Variants in NANOG observed in about 807,000 individuals in gnomAD.
NANOG encodes the protein homeobox protein NANOG.
A neutral mutation model predicts 17.7 loss-of-function variants in NANOG; 2 were observed. That is an observed-to-expected ratio of 0.11 (90% confidence interval 0.05 to 0.36). The LOEUF (loss-of-function observed/expected upper bound fraction) is 0.36. NANOG is among the 10% of genes least tolerant of loss of function. The pLI, the probability that NANOG is intolerant of heterozygous loss-of-function variation, is 1.00. For missense variants in NANOG, 174 were observed against 362.1 expected (o/e 0.48, Z 4.22); for synonymous variants, 81 against 124.7 (o/e 0.65, Z 2.33).
At chr12:7,791,139 C>T (rs1371429538) in intron 1 of NANOG, among the ~76,000 whole-genome samples, 9 of 149,114 alleles carry the variant, frequency 6.0e-5, no homozygotes, top group African/African-American at 2.2e-4. Flanking sequence ...GACAGGGTCT[C>T]ATTCTGTTGC....
At chr12:7,793,245 C>G in intron 2 of NANOG, 33 bp downstream of exon 2, 2 of 1,608,612 alleles carry the variant, frequency 1.2e-6, no homozygotes, top group Non-Finnish European at 1.7e-6. Context: ...ATAAGGTGAA[C>G]AAAAATTGGA....
intron 1 of NANOG, among the ~76,000 whole-genome samples, chr12:7,790,996 C>T (rs190098091): frequency 6.6e-6 from 1 of 152,128 alleles, no homozygotes. Context: ...CCTCCACCCT[C>T]AGCTTCCCAA....
intron 1 of NANOG, among the ~76,000 whole-genome samples, chr12:7,790,714 C>G (rs1862827843): frequency 6.6e-6 from 1 of 151,848 alleles, no homozygotes; most frequent in Admixed American, 6.6e-5. Context: ...AACATGATTG[C>G]TATATTTGAG....
intron 1 of NANOG, among the ~76,000 whole-genome samples, chr12:7,790,822 C>CG (rs1862830183): frequency 6.6e-6 from 1 of 152,062 alleles, no homozygotes; most frequent in South Asian, 2.1e-4. Context: ...CATGGATCAC[C>CG]GCAGCCTCAA....
intron 1 of NANOG, among the ~76,000 whole-genome samples, chr12:7,792,411 A>G (rs1220867910): frequency 5.9e-5 from 9 of 152,242 alleles, no homozygotes; most frequent in Admixed American, 5.9e-4. Flanking sequence ...TCACACCTGT[A>G]ATCTCAGTAC....
chr12:7,790,964 T>C (rs1862832628), intron 1 of NANOG, among the ~76,000 whole-genome samples: 1 of 152,094 alleles, frequency 6.6e-6, no homozygotes, highest in Non-Finnish European at 1.5e-5. Context: ...GGGCTGGTCT[T>C]GAACTCCTGA....
chr12:7,793,646 G>C (rs547732132), intron 2 of NANOG, among the ~76,000 whole-genome samples: 1 of 151,764 alleles, frequency 6.6e-6, no homozygotes, highest in South Asian at 2.1e-4. Context: ...TTTATTACTT[G>C]TTGGCCATTT....
intron 1 of NANOG, among the ~76,000 whole-genome samples, chr12:7,791,040 A>G (rs1012990114): frequency 6.6e-6 from 1 of 151,866 alleles, no homozygotes; most frequent in Non-Finnish European, 1.5e-5. Context: ...CCCACTCTGC[A>G]TGGCTATTCA....
rs1178254606 is a variant in NANOG, at chr12:7,796,393, T to G, written c.*1298T>G. ...AGTTTTAGAAAAAAGGGCACTTACG[T>G]GCATTGTACATGTGCATCTACAAAT... On this transcript the variant is annotated 3_prime_UTR_variant, in exon 4 of 4. Transcript: ENST00000229307. 2 of 76,010 alleles carry G rather than the reference T, an allele frequency of 2.6e-5. No individual in the cohort carries two copies. The highest frequency in any genetic ancestry group is 8.4e-5 in the Non-Finnish European group (2 of 23,726). The allele number at this position is 76,010 out of a possible 1,614,324, so 4.7% of individuals were successfully genotyped here.
rs1435537661 is a variant in NANOG at position 7,796,830 on chromosome 12, T to A, written c.*1735T>A. On this transcript the variant is annotated 3_prime_UTR_variant, in exon 4 of 4. Transcript: ENST00000229307. ...CCCAGGCTGGAGTGTAGTGGAGCGA[T>A]CTCGGCTCACCGCAACCTCCGCCTC... The A allele has an allele frequency of 2.0e-5, 3 of 152,132 alleles. No homozygotes were observed. Among genetic ancestry groups the A allele is most frequent in the Non-Finnish European group, 4.4e-5 (3 of 68,090 alleles). 9.4% of individuals were successfully genotyped at this position (152,132 alleles called of 1,614,324 possible).
At position 7,792,941 on chromosome 12, in the gene NANOG, TC is replaced by T. The variant is rs760378591; in HGVS notation, c.152-6del. 27 of 1,592,586 alleles carry T rather than the reference TC, an allele frequency of 1.7e-5. No individual in the cohort carries two copies. Among genetic ancestry groups the T allele is most frequent in the Non-Finnish European group, 2.3e-5 (27 of 1,170,782 alleles). On this transcript the variant is annotated splice_polypyrimidine_tract_variant and splice_region_variant and intron_variant, in intron 1 of 3. Transcript: ENST00000229307. ...TAGACAAAAGTGTCCTTTTATTTGTTCCCAACAGTCTCTCCTCTTCCTTCCT... is the reference window on the plus strand; with the variant it reads ...TAGACAAAAGTGTCCTTTTATTTGTTCCAACAGTCTCTCCTCTTCCTTCCT...
rs10845901 is a variant in NANOG, at chr12:7,798,188, C to T, written c.*3093C>T. 67,149 of 151,960 alleles carry T rather than the reference C, an allele frequency of 0.44. 15,572 individuals carry two copies. The highest frequency in any genetic ancestry group is 0.63 in the South Asian group (3,049 of 4,816). The allele number at this position is 151,960 out of a possible 1,614,324, so 9.4% of individuals were successfully genotyped here. A position where few individuals can be genotyped will look rare whatever the true frequency, so the allele number is the denominator to read the frequency against. ...GGTCAGGAGTTCAAGTTTAGCATGG[C>T]CAATATGGCGAAACCCTGTCTCTAC... On this transcript the variant is annotated 3_prime_UTR_variant, in exon 4 of 4. Transcript: ENST00000229307.
At chr12:7,793,465 G>T (rs923346710) in intron 2 of NANOG, among the ~76,000 whole-genome samples, 1 of 152,012 alleles carries the variant, frequency 6.6e-6, no homozygotes, top group African/African-American at 2.4e-5. Flanking sequence ...TCTTTCCAAC[G>T]TTTCCTTAAT....
rs775080015 is a variant in NANOG, at chr12:7,796,251, C to T, written c.*1156C>T. On this transcript the variant is annotated 3_prime_UTR_variant, in exon 4 of 4. Coordinates refer to ENST00000229307, the MANE Select transcript of NANOG (RefSeq NM_024865.4). ...AGTGAGCCAATATCACACCACTGCA[C>T]TCCAGCTTGGGCGACAAGAGCAAAA... 3 of 152,028 alleles carry T rather than the reference C, an allele frequency of 2.0e-5. No homozygotes were observed. In the South Asian group the frequency reaches 6.2e-4, roughly 32 times the overall value. The allele number at this position is 152,028 out of a possible 1,614,324, so 9.4% of individuals were successfully genotyped here.
chr12:7,792,848 G>T (rs1457545454), intron 1 of NANOG, 102 bp from the exon 2 acceptor site: 161 of 1,228,766 alleles, frequency 1.3e-4, no homozygotes, highest in Non-Finnish European at 3.0e-5. Flanking sequence ...TAGATCTGGG[G>T]TTCTGGGAAT....
rs1592119405 is a variant in NANOG at position 7,796,604 on chromosome 12, C to T, written c.*1509C>T. The T allele has an allele frequency of 6.6e-6, 1 of 152,320 alleles. No homozygotes were observed. Among genetic ancestry groups the T allele is most frequent in the East Asian group, 1.9e-4 (1 of 5,188 alleles). 9.4% of individuals were successfully genotyped at this position (152,320 alleles called of 1,614,324 possible). On this transcript the variant is annotated 3_prime_UTR_variant, in exon 4 of 4. Coordinates refer to ENST00000229307, the MANE Select transcript of NANOG (RefSeq NM_024865.4). ...TTACTGTCCTTTTCCCATCTTGTGC[C>T]TGCCCTAAATGTATCTGATCTGAGA... is the stretch of plus-strand genomic sequence containing the variant.
rs771826399 is a variant in NANOG, at chr12:7,796,510, T to G, written c.*1415T>G. On this transcript the variant is annotated 3_prime_UTR_variant, in exon 4 of 4. Coordinates refer to ENST00000229307, the MANE Select transcript of NANOG (RefSeq NM_024865.4). Reference sequence around the variant, plus strand: ...ATATGTAAGTAAATTCTAAGGCTAGTTGAAACAGATTTATGTTCTCACCTT... The same window carrying G: ...ATATGTAAGTAAATTCTAAGGCTAGGTGAAACAGATTTATGTTCTCACCTT... 1 of 152,316 alleles carries G rather than the reference T, an allele frequency of 6.6e-6. No homozygotes were observed. The highest frequency in any genetic ancestry group is 2.1e-4 in the South Asian group (1 of 4,826). The allele number at this position is 152,316 out of a possible 1,614,324, so 9.4% of individuals were successfully genotyped here.
intron 1 of NANOG, 61 bp from the exon 2 acceptor site, chr12:7,792,889 A>C: frequency 6.7e-7 from 1 of 1,490,892 alleles, no homozygotes; most frequent in South Asian, 1.3e-5. Context: ...AATTTTTTTA[A>C]AGGATATTTT....
At chr12:7,791,109 CTTT>C (rs1565476258) in intron 1 of NANOG, among the ~76,000 whole-genome samples, 58 of 122,428 alleles carry the variant, frequency 4.7e-4, no homozygotes, top group African/African-American at 1.9e-3. Flanking sequence ...TTCTTTCTTT[CTTT>C]CTTTTTTTTT....
Sources: allele counts gnomAD v4.1 joint callset (sites outside exome capture counted in the v4.1 genomes callset), GRCh38; gene constraint gnomAD v4.1.1; transcripts MANE v1.5; gene names NCBI Gene and HGNC (gene_info 2026-07-23, HGNC 2026-07-21).